The following DLGAP2 variants were observed in gnomAD, a reference collection of about 807,000 sequenced individuals.
The protein encoded by DLGAP2 is disks large-associated protein 2.
A neutral mutation model predicts 100.3 loss-of-function variants in DLGAP2; 26 were observed. The observed-to-expected ratio is 0.26, with a 90% CI of 0.19 to 0.36. The LOEUF (loss-of-function observed/expected upper bound fraction) is 0.36. Among genes scored for constraint, DLGAP2 ranks in the 10% least tolerant of loss-of-function variants. The pLI, the probability that DLGAP2 is intolerant of heterozygous loss-of-function variation, is 1.00. For missense variants in DLGAP2, 1,858 were observed against 1,453.2 expected (o/e 1.28, Z -4.53); for synonymous variants, 886 against 630.1 (o/e 1.41, Z -6.08).
intron 7 of DLGAP2, among the ~76,000 whole-genome samples, chr8:1,627,663 T>C (rs887680251): frequency 2.0e-5 from 3 of 152,262 alleles, no homozygotes; most frequent in Admixed American, 6.5e-5. Context: ...ACATTTTCTC[T>C]TAGTGTGGAG....
chr8:851,395 C>T (rs1471671657), intron 1 of DLGAP2, among the ~76,000 whole-genome samples: 1 of 152,198 alleles, frequency 6.6e-6, no homozygotes, highest in Non-Finnish European at 1.5e-5. Flanking sequence ...GTTGTGTTAC[C>T]TGTGAGCGAC....
chr8:800,160 T>C (rs1048503642), intron 1 of DLGAP2, among the ~76,000 whole-genome samples: 4 of 152,186 alleles, frequency 2.6e-5, no homozygotes, highest in Non-Finnish European at 4.4e-5. Flanking sequence ...CCTGAGGATA[T>C]GGTCATGCTG....
intron 2 of DLGAP2, among the ~76,000 whole-genome samples, chr8:1,097,433 G>C (rs200827865): frequency 7.6e-6 from 1 of 131,598 alleles, no homozygotes; most frequent in Non-Finnish European, 1.6e-5. Flanking sequence ...CCCCTCCAGC[G>C]TGAGACCCAC....
intron 3 of DLGAP2, among the ~76,000 whole-genome samples, chr8:1,277,694 C>T (rs1799731613): frequency 6.6e-6 from 1 of 152,132 alleles, no homozygotes; most frequent in Admixed American, 6.6e-5. Flanking sequence ...GGCTTCCAGG[C>T]TGGCAGCAGC....
At chr8:1,697,111 C>G (rs375409875) in intron 13 of DLGAP2, 36 bp from the exon 14 acceptor site, 1 of 1,495,206 alleles carries the variant, frequency 6.7e-7, no homozygotes, top group Non-Finnish European at 8.9e-7. Context: ...CCGCAGGAGA[C>G]TCTCCTGGCT....
At chr8:954,224 C>G (rs1799546022) in intron 2 of DLGAP2, among the ~76,000 whole-genome samples, 2 of 152,282 alleles carry the variant, frequency 1.3e-5, no homozygotes, top group Non-Finnish European at 1.5e-5. Context: ...AATTCGAGAT[C>G]TATTCTCAGC....
chr8:1,514,684 G>A (rs1047687531), intron 4 of DLGAP2, among the ~76,000 whole-genome samples: 1 of 152,198 alleles, frequency 6.6e-6, no homozygotes, highest in Non-Finnish European at 1.5e-5. Flanking sequence ...CCATTCTAAA[G>A]GAGGGGACAG....
chr8:1,206,488 G>C (rs1361845312), intron 2 of DLGAP2, among the ~76,000 whole-genome samples: 488 of 144,868 alleles, frequency 3.4e-3, no homozygotes, highest in Middle Eastern at 0.011. Context: ...CCATCCGTGG[G>C]CGGGGGTAGA....
At chr8:1,645,192 A>C (rs939899255) in intron 8 of DLGAP2, among the ~76,000 whole-genome samples, 1 of 152,272 alleles carries the variant, frequency 6.6e-6, no homozygotes, top group African/African-American at 2.4e-5. Flanking sequence ...TTTGACTTAA[A>C]GATGGTTGGA....
intron 1 of DLGAP2, among the ~76,000 whole-genome samples, chr8:746,785 G>A (rs531304235): frequency 4.3e-4 from 66 of 152,308 alleles, no homozygotes; most frequent in African/African-American, 1.4e-3. Context: ...CACCACAGCC[G>A]GGCATCCTCA....
intron 3 of DLGAP2, among the ~76,000 whole-genome samples, chr8:1,280,454 A>T (rs1301534118): frequency 6.6e-6 from 1 of 152,226 alleles, no homozygotes; most frequent in Non-Finnish European, 1.5e-5. Flanking sequence ...AATACATGCC[A>T]CTAGCGTTTT....
chr8:901,129 G>A (rs1410578047), intron 1 of DLGAP2, among the ~76,000 whole-genome samples: 4 of 152,122 alleles, frequency 2.6e-5, no homozygotes, highest in African/African-American at 4.8e-5. Context: ...AAAAAAAATT[G>A]TTTTTTAATT....
At chr8:925,780 G>T (rs577159938) in intron 2 of DLGAP2, among the ~76,000 whole-genome samples, 1 of 152,294 alleles carries the variant, frequency 6.6e-6, no homozygotes, top group South Asian at 2.1e-4. Flanking sequence ...GATCTGCTCA[G>T]CCAGCTGAAG....
At position 1,549,677 on chromosome 8, in the gene DLGAP2, C is replaced by T. The variant is rs765067918; in HGVS notation, c.1224C>T (p.Tyr408=). The change falls in exon 5 of 15, where the codon TAC becomes TAT. Residue 408 remains tyrosine, a synonymous_variant. Transcript: ENST00000637795. ...AGCCCGCCCTGAGGCCGTGCCACTA[C>T]CTCCAGGTAAGCAGGCTCACGGCCC... ...DAKPALRPCH[Y]LQVPQDEWGG... is the part of the protein sequence containing the mutation. 93 of 1,546,268 alleles carry T rather than the reference C, an allele frequency of 6.0e-5. No individual in the cohort carries two copies. The highest frequency in any genetic ancestry group is 7.2e-5 in the Non-Finnish European group (82 of 1,144,092).
chr8:1,126,531 C>T (rs1455330036), intron 2 of DLGAP2, among the ~76,000 whole-genome samples: 2 of 151,822 alleles, frequency 1.3e-5, no homozygotes, highest in Non-Finnish European at 2.9e-5. Flanking sequence ...AGGAGGCAGG[C>T]AGAGATCAGG....
chr8:1,703,993 C>T lies in DLGAP2; in HGVS notation c.*2587C>T, dbSNP rs1487513299. On this transcript the variant is annotated 3_prime_UTR_variant, in exon 15 of 15. Coordinates refer to ENST00000637795, the MANE Select transcript of DLGAP2 (RefSeq NM_001346810.2). Reference sequence around the variant, plus strand: ...GATGGAATGTTACCTGTCCGTGTTACATAATCAAGTGCAATATACTCAGTT... The same window carrying T: ...GATGGAATGTTACCTGTCCGTGTTATATAATCAAGTGCAATATACTCAGTT... 6.6e-6 allele frequency: 1 copy of T among 152,598 alleles called. No individual in the cohort carries two copies. Among genetic ancestry groups the T allele is most frequent in the African/African-American group, 2.4e-5 (1 of 41,424 alleles). 9.5% of individuals were successfully genotyped at this position (152,598 alleles called of 1,614,324 possible).
intron 1 of DLGAP2, among the ~76,000 whole-genome samples, chr8:861,834 G>C (rs901144983): frequency 3.3e-5 from 5 of 152,316 alleles, no homozygotes; most frequent in African/African-American, 1.2e-4. Context: ...GTGTTCTGCT[G>C]TTTTTGCCAA....
At chr8:1,358,073 G>A (rs758630181) in intron 3 of DLGAP2, among the ~76,000 whole-genome samples, 8 of 152,306 alleles carry the variant, frequency 5.3e-5, no homozygotes, top group South Asian at 2.1e-4. Context: ...CACAGGCAGC[G>A]TCAGAACGCA....
intron 3 of DLGAP2, among the ~76,000 whole-genome samples, chr8:1,371,288 A>T (rs540065419): frequency 6.6e-6 from 1 of 152,262 alleles, no homozygotes; most frequent in East Asian, 1.9e-4. Context: ...TTCGGCCTCT[A>T]TTTCTAGTAA....
Sources: gnomAD v4.1 joint callset for allele counts (sites outside exome capture counted in the v4.1 genomes callset) on GRCh38, gnomAD v4.1.1 for gene constraint, MANE v1.5 for transcripts, NCBI Gene and HGNC (gene_info 2026-07-23, HGNC 2026-07-21) for gene names.